TSEN2: variants seen among roughly 807,000 people sequenced by gnomAD.
TSEN2 encodes the protein tRNA splicing endonuclease subunit 2.
In TSEN2, 54 loss-of-function variants were observed where a neutral mutation model predicts 59.2. That is an observed-to-expected ratio of 0.91 (90% CI 0.73 to 1.14). TSEN2 has a LOEUF of 1.14. Among genes scored for constraint, TSEN2 ranks in the 50% most tolerant of loss-of-function variants. The pLI, the probability that TSEN2 is intolerant of heterozygous loss-of-function variation, is 0.00. For missense variants in TSEN2, 636 were observed against 576.2 expected (o/e 1.10, Z -1.06); for synonymous variants, 195 against 198.2 (o/e 0.98, Z 0.14).
chr3:12,490,949 T>C (rs1219357542), intron 2 of TSEN2, among the ~76,000 whole-genome samples: 4 of 151,798 alleles, frequency 2.6e-5, no homozygotes, highest in Non-Finnish European at 5.9e-5. Context: ...TATAAAGTGC[T>C]GTATGCATTA....
chr3:12,519,064 T>A lies in TSEN2; in HGVS notation c.966T>A (p.Pro322=). 1 of 1,614,206 alleles carries A rather than the reference T, an allele frequency of 6.2e-7. No individual in the cohort carries two copies. Among genetic ancestry groups the A allele is most frequent in the Non-Finnish European group, 8.5e-7 (1 of 1,180,030 alleles). ...TTTTTTGTAAATAACTTTAGGAGCC[T>A]TTAACGATAGTGAAGCTCTGGAAAG... ...GCLSIYYEKE[P]LTIVKLWKAF... is the part of the protein sequence containing the mutation. Residue 322 remains proline (P), a synonymous_variant, in exon 8 of 12, where the codon CCT becomes CCA. Coordinates refer to ENST00000284995, the MANE Select transcript of TSEN2 (RefSeq NM_025265.4).
intron 4 of TSEN2, among the ~76,000 whole-genome samples, chr3:12,497,063 G>A (rs149113182): frequency 7.2e-5 from 11 of 152,166 alleles, no homozygotes; most frequent in African/African-American, 2.2e-4. Flanking sequence ...CCTCTCCTGG[G>A]TTTCTTTCCT....
At chr3:12,526,511 T>C (rs1470027343) in intron 8 of TSEN2, among the ~76,000 whole-genome samples, 1 of 152,220 alleles carries the variant, frequency 6.6e-6, no homozygotes, top group African/African-American at 2.4e-5. Context: ...TGTGGTGGGC[T>C]GTACCATCTA....
intron 4 of TSEN2, 83 bp downstream of exon 4, chr3:12,496,637 C>A: frequency 7.5e-7 from 1 of 1,327,030 alleles, no homozygotes; most frequent in Non-Finnish European, 1.1e-6. Context: ...ATGTAGCAGT[C>A]CAGTCCACAC....
Position 12,518,973 on chromosome 3 carries a change from A to C in TSEN2, c.961-86A>C, listed in dbSNP as rs566875800. On this transcript the variant is annotated intron_variant, in intron 7 of 11. Coordinates refer to ENST00000284995, the MANE Select transcript of TSEN2 (RefSeq NM_025265.4). ...ATTTTCTTCACTGCTTCAGCTCCAC[A>C]CTTAGTATAGATGTTGGTGCCCTGG... The C allele has an allele frequency of 5.7e-4, 765 of 1,349,456 alleles. 1 individual carries two copies. Among genetic ancestry groups the C allele is most frequent in the Middle Eastern group, 1.1e-3 (5 of 4,426 alleles). The allele number at this position is 1,349,456 out of a possible 1,614,324, so 83.6% of individuals were successfully genotyped here.
At chr3:12,504,684 A>T (rs1342493082) in intron 5 of TSEN2, among the ~76,000 whole-genome samples, 1 of 152,278 alleles carries the variant, frequency 6.6e-6, no homozygotes, top group African/African-American at 2.4e-5. Context: ...GAGAATCTTC[A>T]TAGTGAAAAA....
upstream of TSEN2, among the ~76,000 whole-genome samples, chr3:12,481,900 T>TGTGTGTGTGTGC (rs1297880611): frequency 3.9e-5 from 4 of 101,678 alleles, no homozygotes; most frequent in African/African-American, 3.0e-4. Context: ...TTGATATATG[T>TGTGTGTGTGTGC]GTGTGTGTGT....
chr3:12,528,148 C>T (rs2066113619), intron 8 of TSEN2, among the ~76,000 whole-genome samples: 1 of 152,224 alleles, frequency 6.6e-6, no homozygotes, highest in South Asian at 2.1e-4. Flanking sequence ...CTTTTACCAA[C>T]CCCTGTCACA....
chr3:12,537,251 T>C (rs1268130407), downstream of TSEN2, among the ~76,000 whole-genome samples: 2 of 151,648 alleles, frequency 1.3e-5, no homozygotes, highest in African/African-American at 4.8e-5. Flanking sequence ...TTTAAAAAAT[T>C]AGCTGGGTGT....
downstream of TSEN2, among the ~76,000 whole-genome samples, chr3:12,538,160 TA>T (rs777093253): frequency 2.6e-5 from 4 of 152,236 alleles, no homozygotes; most frequent in Non-Finnish European, 5.9e-5. Context: ...AAACATGGAC[TA>T]AATGCCTATT....
At chr3:12,484,139 T>C (rs1374891011), upstream of TSEN2, among the ~76,000 whole-genome samples, 1 of 152,246 alleles carries the variant, frequency 6.6e-6, no homozygotes, top group African/African-American at 2.4e-5. Flanking sequence ...AATAAAGTCC[T>C]GTCGGTCGCC....
Position 12,529,744 on chromosome 3 carries a change from T to G in TSEN2, c.1137-18T>G, listed in dbSNP as rs2057340192. 1 of 1,610,102 alleles carries G rather than the reference T, an allele frequency of 6.2e-7. No individual in the cohort carries two copies. On this transcript the variant is annotated intron_variant, in intron 9 of 11. Transcript: ENST00000284995. ...TATTTCATGATTACTTTTAACATGC[T>G]TTTTCTGTATTTTCCAGTTATTCTG...
intron 9 of TSEN2, among the ~76,000 whole-genome samples, chr3:12,529,370 G>A (rs1559363265): frequency 6.6e-6 from 1 of 152,120 alleles, no homozygotes; most frequent in South Asian, 2.1e-4. Flanking sequence ...AGGAGGCTGA[G>A]GCAGAGAATT....
downstream of TSEN2, among the ~76,000 whole-genome samples, chr3:12,535,506 A>G (rs183494624): frequency 5.7e-4 from 87 of 152,320 alleles, no homozygotes; most frequent in Non-Finnish European, 8.7e-4. Flanking sequence ...TTTCATAAAC[A>G]GTATTTCAAA....
intron 2 of TSEN2, 132 bp downstream of exon 2, chr3:12,490,121 A>G (rs1184018372): frequency 5.4e-6 from 5 of 929,836 alleles, no homozygotes; most frequent in Non-Finnish European, 8.6e-6. Context: ...GGTTTGGTCC[A>G]GTTGTAGGAA....
downstream of TSEN2, among the ~76,000 whole-genome samples, chr3:12,536,886 C>G (rs1006591892): frequency 6.6e-6 from 1 of 151,932 alleles, no homozygotes; most frequent in African/African-American, 2.4e-5. Flanking sequence ...ACCTGTAATC[C>G]CAGCTACTCA....
intron 4 of TSEN2, among the ~76,000 whole-genome samples, chr3:12,498,763 G>C (rs1219027637): frequency 2.6e-5 from 4 of 152,098 alleles, no homozygotes; most frequent in African/African-American, 9.7e-5. Flanking sequence ...TACCAGCACA[G>C]TTCTATCAGC....
intron 4 of TSEN2, among the ~76,000 whole-genome samples, chr3:12,497,192 A>C (rs1179222508): frequency 6.6e-6 from 1 of 152,158 alleles, no homozygotes; most frequent in Non-Finnish European, 1.5e-5. Flanking sequence ...CTTGGAGAGC[A>C]GAGATCAGGC....
rs762906165 is a variant in TSEN2 at position 12,532,687 on chromosome 3, C to T, written c.1364C>T (p.Ser455Phe). Residue 455 changes from serine to phenylalanine, a missense_variant, in exon 12 of 12, where the codon TCT (serine) becomes TTT (phenylalanine). Ser to Phe is a radical substitution (Grantham distance 155). Coordinates refer to ENST00000284995, the MANE Select transcript of TSEN2 (RefSeq NM_025265.4). ...VQEVILSRWV[S>F]SRERSDQDDL ...GAGGTGATTCTGAGTCGATGGGTTTCTTCACGAGAGAGGAGTGACCAAGAC... is the reference window on the plus strand; with the variant it reads ...GAGGTGATTCTGAGTCGATGGGTTTTTTCACGAGAGAGGAGTGACCAAGAC... 1.2e-6 allele frequency: 2 copies of T among 1,613,960 alleles called. No homozygotes were observed. Among genetic ancestry groups the T allele is most frequent in the African/African-American group, 2.7e-5 (2 of 74,890 alleles).
Sources: allele counts gnomAD v4.1 joint callset (sites outside exome capture counted in the v4.1 genomes callset), GRCh38; gene constraint gnomAD v4.1.1; transcripts MANE v1.5; gene names NCBI Gene and HGNC (gene_info 2026-07-23, HGNC 2026-07-21).